NCAM1: variants seen among roughly 807,000 people sequenced by gnomAD.
NCAM1 encodes neural cell adhesion molecule 1.
NCAM1 carries 14 observed loss-of-function variants against 109.8 expected under a neutral mutation model. That is an observed-to-expected ratio of 0.13 (90% confidence interval 0.08 to 0.20). The LOEUF is 0.20. Among genes scored for constraint, NCAM1 ranks in the 10% least tolerant of loss-of-function variants. The pLI, the probability that NCAM1 is intolerant of heterozygous loss-of-function variation, is 1.00. For synonymous variants in NCAM1, 418 were observed against 442.9 expected (o/e 0.94, Z 0.70); for missense variants, 774 against 1,109.9 (o/e 0.70, Z 4.30).
chr11:113,080,008 A>G (rs1481845973), intron 1 of NCAM1, among the ~76,000 whole-genome samples: 1 of 152,212 alleles, frequency 6.6e-6, no homozygotes, highest in African/African-American at 2.4e-5. Flanking sequence ...TTTAGCTACA[A>G]AGTCTTCCAG....
At chr11:113,199,533 GC>G (rs781913926) in intron 1 of NCAM1, among the ~76,000 whole-genome samples, 50 of 151,214 alleles carry the variant, frequency 3.3e-4, no homozygotes, top group Non-Finnish European at 5.4e-4. Flanking sequence ...GGAATCACTA[GC>G]TTTTCCATCT....
intron 1 of NCAM1, among the ~76,000 whole-genome samples, chr11:113,124,813 C>G (rs1352662315): frequency 6.6e-6 from 1 of 152,172 alleles, no homozygotes; most frequent in Non-Finnish European, 1.5e-5. Context: ...CTGGATTACT[C>G]CGGGTCTGGC....
chr11:113,255,724 A>C (rs1945815882), intron 15 of NCAM1, 153 bp from the exon 16 acceptor site: 2 of 848,860 alleles, frequency 2.4e-6, no homozygotes, highest in Admixed American at 2.7e-5. Flanking sequence ...ATCTACCTGG[A>C]ATTCAGTTTT....
chr11:113,166,056 C>T (rs1482107424), intron 1 of NCAM1, among the ~76,000 whole-genome samples: 1 of 151,984 alleles, frequency 6.6e-6, no homozygotes, highest in Non-Finnish European at 1.5e-5. Flanking sequence ...TGGTCCCGAT[C>T]TCCTGACCTC....
chr11:113,214,593 G>C (rs1311106271), intron 8 of NCAM1, 82 bp downstream of exon 8: 2 of 1,460,056 alleles, frequency 1.4e-6, no homozygotes, highest in Non-Finnish European at 1.8e-6. Context: ...GTTCTCTTTG[G>C]GGAGCTGGGA....
At chr11:113,144,986 A>G (rs1381223250) in intron 1 of NCAM1, among the ~76,000 whole-genome samples, 1 of 152,228 alleles carries the variant, frequency 6.6e-6, no homozygotes, top group Non-Finnish European at 1.5e-5. Flanking sequence ...TTAATTGGCT[A>G]GCAACATTGG....
Position 113,273,610 on chromosome 11 carries a change from C to A in NCAM1, c.2457-1657C>A. 1 of 451,354 alleles carries A rather than the reference C, an allele frequency of 2.2e-6. No homozygotes were observed. Among genetic ancestry groups the A allele is most frequent in the Non-Finnish European group, 4.5e-6 (1 of 223,878 alleles). 28.0% of individuals were successfully genotyped at this position (451,354 alleles called of 1,614,324 possible). A position where few individuals can be genotyped will look rare whatever the true frequency, so the allele number is the denominator to read the frequency against. ...AAAATGGACGAAGGGAACTTCAAGA[C>A]CCCAGATATTGACCTTGCAAAGGAT... On this transcript the variant is annotated intron_variant, in intron 19 of 19. Transcript: ENST00000316851. This position sits in a 1 kb window ranked among gnomAD's most constrained non-coding sequence, Gnocchi z 6.0.
intron 16 of NCAM1, among the ~76,000 whole-genome samples, chr11:113,258,944 A>G (rs1349337610): frequency 6.6e-6 from 1 of 152,208 alleles, no homozygotes; most frequent in Non-Finnish European, 1.5e-5. Context: ...GTTTAGTAAG[A>G]GCCTGACAAA....
intron 1 of NCAM1, among the ~76,000 whole-genome samples, chr11:113,185,023 G>A (rs1037729238): frequency 2.0e-5 from 3 of 148,978 alleles, no homozygotes; most frequent in Non-Finnish European, 4.4e-5. Flanking sequence ...ATAAGTGTGT[G>A]TGTATATATA....
chr11:113,114,822 C>G (rs781865056), intron 1 of NCAM1, among the ~76,000 whole-genome samples: 1 of 152,210 alleles, frequency 6.6e-6, no homozygotes, highest in African/African-American at 2.4e-5. Context: ...CAGTTCCTAT[C>G]TCATGGAGCT....
intron 1 of NCAM1, among the ~76,000 whole-genome samples, chr11:113,113,263 AACCCATAGATTATTTT>A (rs1555094119): frequency 6.6e-5 from 10 of 152,176 alleles, no homozygotes; most frequent in Admixed American, 1.3e-4. Context: ...TTTTTAGATA[AACCCATAGATTATTTT>A]GGGGGGTGGT....
intron 1 of NCAM1, among the ~76,000 whole-genome samples, chr11:113,154,550 AC>A (rs1390315099): frequency 6.6e-6 from 1 of 152,230 alleles, no homozygotes; most frequent in Non-Finnish European, 1.5e-5. Flanking sequence ...CATTTGAGGT[AC>A]TTTAAAATTG....
intron 1 of NCAM1, among the ~76,000 whole-genome samples, chr11:113,173,127 G>A (rs1555106517): frequency 6.6e-6 from 1 of 152,060 alleles, no homozygotes; most frequent in Non-Finnish European, 1.5e-5. Flanking sequence ...CAACTGCCGT[G>A]GGGCTGAGAA....
At chr11:113,246,933 G>A (rs1213951227) in intron 15 of NCAM1, among the ~76,000 whole-genome samples, 1 of 152,204 alleles carries the variant, frequency 6.6e-6, no homozygotes, top group Non-Finnish European at 1.5e-5. Context: ...GATTAGAGCA[G>A]TTTGGCTGTG....
intron 8 of NCAM1, among the ~76,000 whole-genome samples, chr11:113,215,168 T>C (rs1555114188): frequency 1.3e-5 from 2 of 152,174 alleles, no homozygotes; most frequent in Non-Finnish European, 2.9e-5. Flanking sequence ...AGCTTTAAAG[T>C]CCGTGGATTT....
chr11:113,263,194 TA>T (rs1946056999), intron 17 of NCAM1: 2 of 1,128,810 alleles, frequency 1.8e-6, no homozygotes, highest in Middle Eastern at 3.6e-4. Flanking sequence ...ATGCTATTTT[TA>T]AAAACCATCA....
rs145497347 is a variant in NCAM1, at chr11:113,097,410, A to C, written c.53-104969A>C. On this transcript the variant is annotated intron_variant, in intron 1 of 19. Coordinates refer to ENST00000316851, the MANE Select transcript of NCAM1 (RefSeq NM_181351.5). The stretch of plus-strand genomic sequence containing the variant: ...TAACAGAAAGATGGTACCAAGGTAG[A>C]AATTGAGTAAGTTTGTTGAGTTCAA... 3.0e-3 allele frequency among the ~76,000 whole-genome samples: 461 copies of C among 152,296 alleles called. 2 individuals carry two copies. Among genetic ancestry groups the C allele is most frequent in the African/African-American group, 0.011 (443 of 41,564 alleles).
chr11:113,141,494 T>TA (rs1941817310), intron 1 of NCAM1, among the ~76,000 whole-genome samples: 1 of 151,926 alleles, frequency 6.6e-6, no homozygotes, highest in African/African-American at 2.4e-5. Flanking sequence ...AATGAATAAA[T>TA]AAAAAATAGC....
At chr11:113,052,629 C>T (rs1953545789) in intron 1 of NCAM1, among the ~76,000 whole-genome samples, 1 of 152,182 alleles carries the variant, frequency 6.6e-6, no homozygotes, top group African/African-American at 2.4e-5. Flanking sequence ...ACTGAAGCAA[C>T]ATTTTACCTT....
Sources: allele counts gnomAD v4.1 joint callset (sites outside exome capture counted in the v4.1 genomes callset), GRCh38; gene constraint gnomAD v4.1.1; non-coding constraint Gnocchi (gnomAD v3.1); transcripts MANE v1.5; gene names NCBI Gene and HGNC (gene_info 2026-07-23, HGNC 2026-07-21).